The following WRN variants were observed in gnomAD, a reference collection of about 807,000 sequenced individuals.
WRN encodes the protein bifunctional 3'-5' exonuclease/ATP-dependent helicase WRN.
WRN carries 149 observed loss-of-function variants against 180.7 expected under a neutral mutation model. The observed-to-expected ratio is 0.82, with a 90% CI of 0.72 to 0.94. The LOEUF (loss-of-function observed/expected upper bound fraction) is 0.94, where lower values mean the gene tolerates loss of function less well. Ranked by LOEUF, WRN falls within the 40% of genes least tolerant of loss-of-function variation. The pLI is 0.00. For missense variants in WRN, 1,661 were observed against 1,700.1 expected (o/e 0.98, Z 0.40); for synonymous variants, 548 against 568.9 (o/e 0.96, Z 0.52).
chr8:31,139,161 A>G (rs1802509980), intron 24 of WRN, among the ~76,000 whole-genome samples: 2 of 152,288 alleles, frequency 1.3e-5, no homozygotes, highest in South Asian at 2.1e-4. Flanking sequence ...TAATGTTTTC[A>G]TCAATTCAAT....
In WRN at chr8:31,067,095, C is replaced by T. The variant is rs1435530318; in HGVS notation, c.567C>T (p.Leu189=). 5 of 1,613,898 alleles carry T rather than the reference C, an allele frequency of 3.1e-6. No individual in the cohort carries two copies. Among genetic ancestry groups the T allele is most frequent in the Middle Eastern group, 1.7e-4 (1 of 6,058 alleles). Residue 189 remains leucine (L), a synonymous_variant, in exon 6 of 35, where the codon CTC becomes CTT. Coordinates refer to ENST00000298139, the MANE Select transcript of WRN (RefSeq NM_000553.6). ...SLVKHLLGKQ[L]LKDKSIRCSN... is the part of the protein sequence containing the mutation. ...TTAAACACCTCTTAGGTAAACAGCT[C>T]CTGAAAGACAAGTCTATCCGCTGTA...
chr8:31,063,799 C>T (rs1180469540), intron 3 of WRN, among the ~76,000 whole-genome samples: 2 of 152,132 alleles, frequency 1.3e-5, no homozygotes, highest in South Asian at 2.1e-4. Flanking sequence ...TCATAGCTCA[C>T]GCTAACCTCG....
intron 18 of WRN, among the ~76,000 whole-genome samples, chr8:31,101,369 A>T (rs574415506): frequency 6.6e-6 from 1 of 152,322 alleles, no homozygotes; most frequent in East Asian, 1.9e-4. Context: ...TTACTCTAGG[A>T]TGCTGTGAAA....
Position 31,157,476 on chromosome 8 carries a change from C to A in WRN, c.3928C>A (p.Pro1310Thr). The part of the protein sequence containing the change: ...PLDLERAGLT[P>T]EVQKIIADVI... ...TGATTTGGAGCGAGCAGGCCTGACT[C>A]CAGAGGTTCAGAAGATTATTGCTGA... Residue 1310 changes from proline to threonine, a missense_variant, in exon 33 of 35, where the codon CCA (proline) becomes ACA (threonine). Coordinates refer to ENST00000298139, the MANE Select transcript of WRN (RefSeq NM_000553.6). 1.9e-6 allele frequency: 3 copies of A among 1,614,094 alleles called. No individual in the cohort carries two copies. The highest frequency in any genetic ancestry group is 2.5e-6 in the Non-Finnish European group (3 of 1,180,002).
chr8:31,155,494 T>C (rs1433799874), intron 32 of WRN, among the ~76,000 whole-genome samples: 2 of 151,990 alleles, frequency 1.3e-5, no homozygotes, highest in Non-Finnish European at 2.9e-5. Flanking sequence ...TAGTGACGCA[T>C]GCCTGTAATC....
chr8:31,113,003 C>T (rs999624104), intron 19 of WRN, among the ~76,000 whole-genome samples: 8 of 151,850 alleles, frequency 5.3e-5, no homozygotes, highest in Middle Eastern at 3.4e-3. Context: ...GCCAGGAGTT[C>T]GAGACCAGCC....
intron 23 of WRN, among the ~76,000 whole-genome samples, chr8:31,128,188 A>G (rs1257771426): frequency 6.6e-6 from 1 of 152,192 alleles, no homozygotes; most frequent in East Asian, 1.9e-4. Context: ...AGAATTTGAT[A>G]TAATTTTAAG....
intron 23 of WRN, among the ~76,000 whole-genome samples, chr8:31,125,600 G>T (rs1386954300): frequency 7.7e-6 from 1 of 129,450 alleles, no homozygotes; most frequent in Non-Finnish European, 1.6e-5. Flanking sequence ...AATATGGGGA[G>T]AGAGGGATGA....
intron 26 of WRN, 35 bp downstream of exon 26, chr8:31,141,810 ATTTTTTGTTGCT>A (rs751750104): frequency 2.5e-6 from 4 of 1,583,898 alleles, no homozygotes; most frequent in Non-Finnish European, 3.5e-6. Flanking sequence ...TAACTTCTGC[ATTTTTTGTTGCT>A]ATTTATGTGA....
rs1813632616 is a variant in WRN at position 31,088,767 on chromosome 8, A to T, written c.1577-123A>T. ...GTTTGTATTGGAATTAAAAAATAGAAAACATTAACCCATGGTAGCTGTCAC... is the reference window on the plus strand; with the variant it reads ...GTTTGTATTGGAATTAAAAAATAGATAACATTAACCCATGGTAGCTGTCAC... On this transcript the variant is annotated intron_variant, in intron 12 of 34. Transcript: ENST00000298139. The T allele has an allele frequency of 3.0e-5, 24 of 811,856 alleles. No individual in the cohort carries two copies. The South Asian group carries it at 3.6e-4, about 12-fold the overall frequency. 50.3% of individuals were successfully genotyped at this position (811,856 alleles called of 1,614,324 possible).
At chr8:31,149,266 G>T (rs1001867186) in intron 30 of WRN, among the ~76,000 whole-genome samples, 2 of 151,406 alleles carry the variant, frequency 1.3e-5, no homozygotes, top group African/African-American at 4.8e-5. Context: ...GCGTGGTGGC[G>T]GGTGCCTGTA....
chr8:31,142,157 G>C (rs984337861), intron 26 of WRN, among the ~76,000 whole-genome samples: 3 of 151,946 alleles, frequency 2.0e-5, no homozygotes, highest in Non-Finnish European at 2.9e-5. Context: ...GTGCTTCCTA[G>C]GCTGGTCTTG....
At chr8:31,092,065 CAA>C (rs1333400245) in intron 16 of WRN, among the ~76,000 whole-genome samples, 167 bp downstream of exon 16, 6 of 151,666 alleles carry the variant, frequency 4.0e-5, no homozygotes, top group Non-Finnish European at 8.8e-5. Flanking sequence ...TGTATACAAA[CAA>C]ATTTTACTAA....
intron 30 of WRN, among the ~76,000 whole-genome samples, chr8:31,149,780 G>A (rs1042753612): frequency 1.3e-5 from 2 of 152,008 alleles, no homozygotes; most frequent in Non-Finnish European, 2.9e-5. Flanking sequence ...TGGCCCAGAG[G>A]AGATATTTAA....
intron 1 of WRN, among the ~76,000 whole-genome samples, chr8:31,040,476 GTATACTGAAAAGGGATTGT>G (rs978699333): frequency 1.5e-4 from 23 of 152,150 alleles, no homozygotes; most frequent in Non-Finnish European, 3.1e-4. Context: ...GAGCAGCAGA[GTATACTGAAAAGGGATTGT>G]TATACTGAAA....
Position 31,137,058 on chromosome 8 carries a change from G to GTT in WRN, c.2968-4358_2968-4357dup, listed in dbSNP as rs11324825. Among the ~76,000 whole-genome samples the GTT allele has an allele frequency of 1.2e-4, 16 of 135,940 alleles. No individual in the cohort carries two copies. The East Asian group carries it at 2.4e-3, about 20-fold the overall frequency. The allele number at this position is 135,940 out of a possible 152,430, so 89.2% of individuals were successfully genotyped here. A position where few individuals can be genotyped will look rare whatever the true frequency, so the allele number is the denominator to read the frequency against. On this transcript the variant is annotated intron_variant, in intron 24 of 34. Coordinates refer to ENST00000298139, the MANE Select transcript of WRN (RefSeq NM_000553.6). ...TCTTACTGTACTCTGTTTTAATTCT[G>GTT]TTTTTTTTTTTTTTTAATGTTACTT...
Position 31,150,451 on chromosome 8 carries a change from T to C in WRN, c.3683T>C (p.Val1228Ala), listed in dbSNP as rs1478874782. The C allele has an allele frequency of 6.2e-7, 1 of 1,614,002 alleles. No homozygotes were observed. ...VIKHFCQTNS[V>A]QTDLFSSTKP... ...AAACATTTCTGCCAAACAAATAGTG[T>C]TCAGGTAAAATACTGTGGTTTGCAG... The change falls in exon 31 of 35, where the codon GTT (valine) becomes GCT (alanine). Residue 1228 changes from valine to alanine, a missense_variant. By Grantham distance (64) the Val-to-Ala change is moderately conservative. This residue lies in a region of WRN where 1,141 missense variants were observed against 1,149.4 expected (regional missense o/e 0.99). Coordinates refer to ENST00000298139, the MANE Select transcript of WRN (RefSeq NM_000553.6).
chr8:31,070,816 G>T (rs1319308157), intron 7 of WRN, among the ~76,000 whole-genome samples: 1 of 152,114 alleles, frequency 6.6e-6, no homozygotes, highest in African/African-American at 2.4e-5. Flanking sequence ...AGGCCGAGGT[G>T]GGTGGATCAC....
chr8:31,082,024 G>A (rs1350227473), intron 9 of WRN, among the ~76,000 whole-genome samples: 2 of 152,160 alleles, frequency 1.3e-5, no homozygotes, highest in Non-Finnish European at 2.9e-5. Flanking sequence ...GCCTCCCAAA[G>A]TGTTGGAATT....
Sources: allele counts gnomAD v4.1 joint callset (sites outside exome capture counted in the v4.1 genomes callset), GRCh38; gene constraint gnomAD v4.1.1; regional missense constraint gnomAD v4.1.1; transcripts MANE v1.5; gene names NCBI Gene and HGNC (gene_info 2026-07-23, HGNC 2026-07-21).